The following TSEN2 variants were observed in gnomAD, a reference collection of about 807,000 sequenced individuals.
TSEN2 encodes the protein tRNA splicing endonuclease subunit 2, also known as tRNA-splicing endonuclease subunit Sen2.
TSEN2 carries 54 observed loss-of-function variants against 59.2 expected under a neutral mutation model. The observed-to-expected ratio is 0.91, with a 90% CI of 0.73 to 1.14. The LOEUF (loss-of-function observed/expected upper bound fraction) is 1.14, where lower values mean the gene tolerates loss of function less well. Ranked by LOEUF, TSEN2 falls within the 50% of genes most tolerant of loss-of-function variation. TSEN2 has a pLI of 0.00. For synonymous variants in TSEN2, 195 were observed against 198.2 expected, an observed-to-expected ratio of 0.98 and a Z score of 0.14; for missense variants, 636 against 576.2, an observed-to-expected ratio of 1.10 and a Z score of -1.06.
chr3:12,538,348 G>A (rs922360845), downstream of TSEN2, among the ~76,000 whole-genome samples: 1 of 152,238 alleles, frequency 6.6e-6, no homozygotes, highest in African/African-American at 2.4e-5. Flanking sequence ...TTTAGAGGGT[G>A]TGTGAGGAGG....
chr3:12,520,644 G>A (rs2056563416), intron 8 of TSEN2, among the ~76,000 whole-genome samples: 1 of 152,040 alleles, frequency 6.6e-6, no homozygotes. Context: ...ACAAAAATTA[G>A]CTGGGCGTGG....
chr3:12,532,787 T>A lies in TSEN2; in HGVS notation c.*66T>A. On this transcript the variant is annotated 3_prime_UTR_variant, in exon 12 of 12. Transcript: ENST00000284995. ...ATTGAGGGCTAGGTAAAAAGTTCTTTTTGTTGTAATCGTCCATTAATTCAT... is the reference window on the plus strand; with the variant it reads ...ATTGAGGGCTAGGTAAAAAGTTCTTATTGTTGTAATCGTCCATTAATTCAT... 29 of 1,489,088 alleles carry A rather than the reference T, an allele frequency of 1.9e-5. No homozygotes were observed. Among genetic ancestry groups the A allele is most frequent in the Non-Finnish European group, 2.4e-5 (26 of 1,068,212 alleles). 92.2% of individuals were successfully genotyped at this position (1,489,088 alleles called of 1,614,324 possible).
intron 9 of TSEN2, 67 bp downstream of exon 9, chr3:12,528,991 A>G: frequency 6.4e-7 from 1 of 1,557,184 alleles, no homozygotes; most frequent in Non-Finnish European, 8.9e-7. Flanking sequence ...CCTCTAATTT[A>G]ACTTTTTGGT....
chr3:12,506,896 A>T (rs1344094955), intron 6 of TSEN2: 2 of 983,838 alleles, frequency 2.0e-6, no homozygotes, highest in East Asian at 2.3e-4. Flanking sequence ...CTGAGACCAC[A>T]GGAAAGTAAT....
At chr3:12,505,412 T>C in intron 6 of TSEN2, 181 bp downstream of exon 6, 1 of 612,988 alleles carries the variant, frequency 1.6e-6, no homozygotes, top group African/African-American at 1.8e-5. Flanking sequence ...AGCCTTTATT[T>C]CATCAGTTCT....
chr3:12,533,860 A>G (rs1365552117), downstream of TSEN2, among the ~76,000 whole-genome samples: 1 of 152,106 alleles, frequency 6.6e-6, no homozygotes, highest in Admixed American at 6.6e-5. Flanking sequence ...AATATGGGGT[A>G]AAATATTTTG....
downstream of TSEN2, among the ~76,000 whole-genome samples, chr3:12,535,854 C>T (rs763989132): frequency 3.3e-5 from 5 of 152,126 alleles, no homozygotes; most frequent in Non-Finnish European, 7.3e-5. Flanking sequence ...TCAGAAAACT[C>T]GGGTCCACAT....
At chr3:12,517,956 A>T (rs1474552578) in intron 7 of TSEN2, among the ~76,000 whole-genome samples, 1 of 152,100 alleles carries the variant, frequency 6.6e-6, no homozygotes, top group Non-Finnish European at 1.5e-5. Context: ...AAACAACTCT[A>T]GTCTATTGTA....
chr3:12,484,999 C>T (rs1392904316), intron 1 of TSEN2, 119 bp downstream of exon 1: 20 of 152,244 alleles, frequency 1.3e-4, no homozygotes, highest in Admixed American at 1.1e-3. Context: ...AACGAAACGC[C>T]TTCTGCAAAA....
intron 8 of TSEN2, among the ~76,000 whole-genome samples, chr3:12,523,541 T>TTTTTTTTTTTTTTTTTTTTTTTTTTTG: frequency 7.4e-6 from 1 of 135,852 alleles, no homozygotes; most frequent in Non-Finnish European, 1.6e-5. Context: ...TTTTTTTTTT[T>TTTTTTTTTTTTTTTTTTTTTTTTTTTG]TTTTTTTTTT....
intron 6 of TSEN2, among the ~76,000 whole-genome samples, chr3:12,506,431 C>A (rs2125068314): frequency 6.6e-6 from 1 of 152,074 alleles, no homozygotes. Flanking sequence ...CCCATCTCTA[C>A]AAAAAATACA....
chr3:12,512,747 T>C (rs1256258656), intron 6 of TSEN2, among the ~76,000 whole-genome samples: 5 of 152,232 alleles, frequency 3.3e-5, no homozygotes, highest in African/African-American at 1.2e-4. Context: ...ACCCATACTT[T>C]TTGTGAACCG....
chr3:12,517,356 T>C (rs2056234278), intron 7 of TSEN2, among the ~76,000 whole-genome samples: 1 of 25,060 alleles, frequency 4.0e-5, no homozygotes, highest in Non-Finnish European at 7.6e-5. Flanking sequence ...AGACTCTGTC[T>C]CAAAAAAAAA....
At chr3:12,502,779 T>G (rs1002190367) in intron 4 of TSEN2, among the ~76,000 whole-genome samples, 2 of 150,956 alleles carry the variant, frequency 1.3e-5, no homozygotes, top group African/African-American at 4.9e-5. Context: ...GCAGAACACT[T>G]AGAAAATGCA....
At chr3:12,503,117 A>T (rs1418783938) in intron 4 of TSEN2, 145 bp from the exon 5 acceptor site, 2 of 882,824 alleles carry the variant, frequency 2.3e-6, no homozygotes, top group Non-Finnish European at 3.6e-6. Context: ...AGTATAAAGA[A>T]GAAAAATATT....
rs1575230640 is a variant in TSEN2, at chr3:12,492,005, C to A, written c.190-131C>A. 4.1e-6 allele frequency: 3 copies of A among 728,460 alleles called. No homozygotes were observed. The East Asian group carries it at 8.0e-5, about 19-fold the overall frequency. 45.1% of individuals were successfully genotyped at this position (728,460 alleles called of 1,614,324 possible). A position where few individuals can be genotyped will look rare whatever the true frequency, so the allele number is the denominator to read the frequency against. On this transcript the variant is annotated intron_variant, in intron 2 of 11. Coordinates refer to ENST00000284995, the MANE Select transcript of TSEN2 (RefSeq NM_025265.4). Reference sequence around the variant, plus strand: ...TTTATATCAGGGACTCGACCATCTGCCGATTTTGGTATCCACCAGAGGTCC... The same window carrying A: ...TTTATATCAGGGACTCGACCATCTGACGATTTTGGTATCCACCAGAGGTCC...
At chr3:12,509,226 G>C (rs545447632) in intron 6 of TSEN2, among the ~76,000 whole-genome samples, 8 of 150,894 alleles carry the variant, frequency 5.3e-5, no homozygotes, top group African/African-American at 2.0e-4. Context: ...TTTGAGACAG[G>C]GTCTCGCTCT....
At chr3:12,539,470 AAGG>A (rs2057760541) in exon 11 of TSEN2, 1 of 196,336 alleles carries the variant, frequency 5.1e-6, no homozygotes, top group Non-Finnish European at 1.1e-5. Context: ...CCACGAGGAG[AAGG>A]TACTCATTAC....
Position 12,489,823 on chromosome 3 carries a change from C to T in TSEN2, c.23C>T (p.Ala8Val). 1 of 1,613,684 alleles carries T rather than the reference C, an allele frequency of 6.2e-7. No individual in the cohort carries two copies. MAEAVFH[A>V]PKRKRRVYET... Reference sequence around the variant, plus strand: ...AAAATGGCAGAAGCAGTTTTCCATGCCCCAAAGAGGAAAAGAAGAGTGTAT... The same window carrying T: ...AAAATGGCAGAAGCAGTTTTCCATGTCCCAAAGAGGAAAAGAAGAGTGTAT... The change falls in exon 2 of 12, where the codon GCC becomes GTC. Residue 8 changes from alanine to valine, a missense_variant. Ala to Val is a moderately conservative substitution (Grantham distance 64). Transcript: ENST00000284995.
Sources: gnomAD v4.1 joint callset for allele counts (sites outside exome capture counted in the v4.1 genomes callset) on GRCh38, gnomAD v4.1.1 for gene constraint, MANE v1.5 for transcripts, NCBI Gene and HGNC (gene_info 2026-07-23, HGNC 2026-07-21) for gene names.